RPTOR: variants seen among roughly 807,000 people sequenced by gnomAD.
The protein encoded by RPTOR is regulatory-associated protein of mTOR.
A neutral mutation model predicts 169.9 loss-of-function variants in RPTOR; 21 were observed. The ratio of observed to expected loss-of-function variants is 0.12; its 90% CI spans 0.09 to 0.18. The LOEUF (loss-of-function observed/expected upper bound fraction) is 0.18. RPTOR is among the 10% of genes least tolerant of loss of function. RPTOR has a pLI of 1.00. For missense variants in RPTOR, 1,133 were observed against 1,855.9 expected, an observed-to-expected ratio of 0.61 and a Z score of 7.16; for synonymous variants, 732 against 753.2, an observed-to-expected ratio of 0.97 and a Z score of 0.46.
At position 80,878,909 on chromosome 17, in the gene RPTOR, T is replaced by C. The variant is rs1002361432; in HGVS notation, c.1510-1506T>C. On this transcript the variant is annotated intron_variant, in intron 13 of 33. Transcript: ENST00000306801. This position sits in a 1 kb window ranked among gnomAD's most constrained non-coding sequence, Gnocchi z 4.1. ...CCAGCCTCAGAGCCGGCCTGTTTCC[T>C]CCAGGACGCCCACAGGACCCTCGGA... Among the ~76,000 whole-genome samples the C allele has an allele frequency of 6.6e-6, 1 of 152,102 alleles. No individual in the cohort carries two copies. Among genetic ancestry groups the C allele is most frequent in the African/African-American group, 2.4e-5 (1 of 41,422 alleles).
At chr17:80,809,257 TCTCAG>T (rs1329202592) in intron 7 of RPTOR, among the ~76,000 whole-genome samples, 2 of 152,356 alleles carry the variant, frequency 1.3e-5, no homozygotes, top group South Asian at 4.1e-4. Context: ...AGTGGCACAG[TCTCAG>T]CTCACTGCAA....
intron 7 of RPTOR, chr17:80,802,654 T>G (rs2067173246): frequency 6.6e-6 from 1 of 151,832 alleles, no homozygotes. Context: ...AAGGAAGCCC[T>G]CGCTCTGCGG....
At chr17:80,565,093 G>A (rs2084563030) in intron 1 of RPTOR, among the ~76,000 whole-genome samples, 2 of 152,158 alleles carry the variant, frequency 1.3e-5, no homozygotes, top group African/African-American at 4.8e-5. Context: ...ATAAGCATGC[G>A]TGTCTTTATG....
In RPTOR at chr17:80,885,187, G is replaced by A. The variant is rs2068231237; in HGVS notation, c.1983+39G>A. The A allele has an allele frequency of 3.2e-6, 5 of 1,543,858 alleles. No homozygotes were observed. In the Middle Eastern group the frequency reaches 5.1e-4, roughly 159 times the overall value. On this transcript the variant is annotated intron_variant, in intron 17 of 33. Transcript: ENST00000306801. The stretch of plus-strand genomic sequence containing the variant: ...CAGCCCGGCAGCAGCAGGGCACCCA[G>A]GCTGGACCCCGTGACACCTGGGGCC...
chr17:80,672,367 T>C lies in RPTOR; in HGVS notation c.348+28557T>C, dbSNP rs895466022. 9.0e-4 allele frequency among the ~76,000 whole-genome samples: 14 copies of C among 15,532 alleles called. No individual in the cohort carries two copies. In the African/African-American group the frequency reaches 0.023, roughly 25 times the overall value. 10.2% of individuals were successfully genotyped at this position (15,532 alleles called of 152,430 possible). A position where few individuals can be genotyped will look rare whatever the true frequency, so the allele number is the denominator to read the frequency against. On this transcript the variant is annotated intron_variant, in intron 3 of 33. Coordinates refer to ENST00000306801, the MANE Select transcript of RPTOR (RefSeq NM_020761.3). Reference sequence around the variant, plus strand: ...TGTTTACTTTGCTGTGCAAAGGTTCTTTTTTTTTTTTTTTTTTTAAATGGT... The same window carrying C: ...TGTTTACTTTGCTGTGCAAAGGTTCCTTTTTTTTTTTTTTTTTTAAATGGT...
chr17:80,900,214 T>C (rs1009660219), intron 20 of RPTOR, among the ~76,000 whole-genome samples: 5 of 151,884 alleles, frequency 3.3e-5, no homozygotes, highest in Non-Finnish European at 5.9e-5. Context: ...TGTGGCCGTC[T>C]CCTCCCCGCC....
At chr17:80,817,665 G>A (rs1480029631) in intron 7 of RPTOR, among the ~76,000 whole-genome samples, 1 of 152,134 alleles carries the variant, frequency 6.6e-6, no homozygotes, top group Non-Finnish European at 1.5e-5. Flanking sequence ...GAGCACCCTT[G>A]GGAGAGTGAC....
At position 80,825,183 on chromosome 17, in the gene RPTOR, A is replaced by C. The variant is rs1461294821; in HGVS notation, c.1136+1960A>C. Among the ~76,000 whole-genome samples the C allele has an allele frequency of 1.4e-4, 18 of 128,752 alleles. No homozygotes were observed. The East Asian group carries it at 1.4e-3, about 10-fold the overall frequency. The allele number at this position is 128,752 out of a possible 152,430, so 84.5% of individuals were successfully genotyped here. ...TGGGGCAGCCACATCCCACCTCTCC[A>C]TCTAGAGGCCGCGTGGCGAGGCCAG... is the stretch of plus-strand genomic sequence containing the variant. On this transcript the variant is annotated intron_variant, in intron 9 of 33. Transcript: ENST00000306801.
At chr17:80,556,558 C>T (rs1282143537) in intron 1 of RPTOR, among the ~76,000 whole-genome samples, 1 of 151,944 alleles carries the variant, frequency 6.6e-6, no homozygotes, top group African/African-American at 2.4e-5. Flanking sequence ...ACAAAAGAGG[C>T]GGCTGCAGTA....
intron 13 of RPTOR, among the ~76,000 whole-genome samples, chr17:80,870,155 A>T (rs1344232204): frequency 6.6e-6 from 1 of 152,242 alleles, no homozygotes; most frequent in Non-Finnish European, 1.5e-5. Flanking sequence ...TCTGAGTTAT[A>T]GTTAATAAAG....
At position 80,609,942 on chromosome 17, in the gene RPTOR, G is replaced by T. The variant is rs1424136984; in HGVS notation, c.163-15749G>T. On this transcript the variant is annotated intron_variant, in intron 1 of 33. Coordinates refer to ENST00000306801, the MANE Select transcript of RPTOR (RefSeq NM_020761.3). The surrounding 1 kb of genome is among the most constrained non-coding windows in gnomAD (Gnocchi z 4.8). The stretch of plus-strand genomic sequence containing the variant: ...TGTAGATAGCACATTCCCCTGCAGT[G>T]CCTGCTGGGTCCTGGAACGAGGCCT... 6.6e-6 allele frequency among the ~76,000 whole-genome samples: 1 copy of T among 151,594 alleles called. No individual in the cohort carries two copies. The highest frequency in any genetic ancestry group is 1.5e-5 in the Non-Finnish European group (1 of 67,872).
chr17:80,798,778 A>T (rs981467758), intron 7 of RPTOR, among the ~76,000 whole-genome samples: 7 of 152,208 alleles, frequency 4.6e-5, no homozygotes, highest in Non-Finnish European at 1.0e-4. Context: ...GGGAATATTT[A>T]AAAATATATA....
chr17:80,643,708 C>G lies in RPTOR; in HGVS notation c.266-20C>G. ...GAAATGCAGACGTAAAGAACTTTCT[C>G]TTTTCCATTGCTTCCTCAGATCCTC... On this transcript the variant is annotated intron_variant, in intron 2 of 33. Transcript: ENST00000306801. The G allele has an allele frequency of 6.2e-7, 1 of 1,603,600 alleles. No individual in the cohort carries two copies. The highest frequency in any genetic ancestry group is 8.5e-7 in the Non-Finnish European group (1 of 1,172,514).
chr17:80,590,420 C>T (rs182512754), intron 1 of RPTOR, among the ~76,000 whole-genome samples: 188 of 148,408 alleles, frequency 1.3e-3, no homozygotes, highest in South Asian at 2.3e-3. Flanking sequence ...TGCGCACACA[C>T]GTGCACACAG....
In RPTOR at chr17:80,965,514, T is replaced by A. The variant is rs2069415866; in HGVS notation, c.*1184T>A. On this transcript the variant is annotated 3_prime_UTR_variant, in exon 34 of 34. Coordinates refer to ENST00000306801, the MANE Select transcript of RPTOR (RefSeq NM_020761.3). ...TTTTGCAAACAGAACACAACCACAA[T>A]GATGGTATTTTGAAAAGTGTTCTTT... 2.6e-5 allele frequency: 6 copies of A among 233,182 alleles called. No individual in the cohort carries two copies. In the South Asian group the frequency reaches 9.0e-4, roughly 35 times the overall value. The allele number at this position is 233,182 out of a possible 1,614,324, so 14.4% of individuals were successfully genotyped here. A position where few individuals can be genotyped will look rare whatever the true frequency, so the allele number is the denominator to read the frequency against.
rs754559932 is a variant in RPTOR, at chr17:80,883,492, C to A, written c.1650+8C>A. The A allele has an allele frequency of 2.5e-6, 4 of 1,613,076 alleles. No homozygotes were observed. The highest frequency in any genetic ancestry group is 3.4e-6 in the Non-Finnish European group (4 of 1,179,206). On this transcript the variant is annotated splice_region_variant and intron_variant, in intron 15 of 33. Coordinates refer to ENST00000306801, the MANE Select transcript of RPTOR (RefSeq NM_020761.3). ...AGCTATCACACGGGGCAGGTGAGCC[C>A]CCCAGCCACCCCCAGCCCCAGAGCT... is the stretch of plus-strand genomic sequence containing the variant.
intron 7 of RPTOR, among the ~76,000 whole-genome samples, chr17:80,808,275 A>G (rs186214280): frequency 1.2e-3 from 178 of 152,142 alleles, no homozygotes; most frequent in Admixed American, 6.1e-3. Context: ...AAAAATTAAA[A>G]TCAGCTGGGC....
At chr17:80,793,383 T>G (rs537397503) in intron 7 of RPTOR, among the ~76,000 whole-genome samples, 54 of 152,344 alleles carry the variant, frequency 3.5e-4, no homozygotes, top group Non-Finnish European at 7.3e-4. Flanking sequence ...AGCAGTTATA[T>G]TTTATCCTTG....
chr17:80,884,953 A>C, intron 16 of RPTOR, 55 bp from the exon 17 acceptor site: 1 of 1,567,058 alleles, frequency 6.4e-7, no homozygotes, highest in Non-Finnish European at 8.7e-7. Context: ...GCAGAAAGGC[A>C]GGCTGCAGCA....
Sources: gnomAD v4.1 joint callset for allele counts (sites outside exome capture counted in the v4.1 genomes callset) on GRCh38, gnomAD v4.1.1 for gene constraint, Gnocchi (gnomAD v3.1) non-coding constraint, MANE v1.5 for transcripts, NCBI Gene and HGNC (gene_info 2026-07-23, HGNC 2026-07-21) for gene names.